The following PARP4 variants were observed in gnomAD, a reference collection of about 807,000 sequenced individuals.
The protein encoded by PARP4 is poly(ADP-ribose) polymerase family member 4, also known as protein mono-ADP-ribosyltransferase PARP4.
A neutral mutation model predicts 187.7 loss-of-function variants in PARP4; 120 were observed. That is an observed-to-expected ratio of 0.64 (90% CI 0.55 to 0.74). The LOEUF (loss-of-function observed/expected upper bound fraction) is 0.74, where lower values mean the gene tolerates loss of function less well. Among genes scored for constraint, PARP4 ranks in the 30% least tolerant of loss-of-function variants. The pLI is 0.00. For synonymous variants in PARP4, 654 were observed against 740.9 expected, an observed-to-expected ratio of 0.88 and a Z score of 1.90; for missense variants, 1,836 against 2,070.5, an observed-to-expected ratio of 0.89 and a Z score of 2.20.
At chr13:24,422,592 A>T (rs773640024) in intron 33 of PARP4, among the ~76,000 whole-genome samples, 2 of 152,204 alleles carry the variant, frequency 1.3e-5, no homozygotes, top group Non-Finnish European at 2.9e-5. Flanking sequence ...CAAATATGCA[A>T]TAAACAGGAA....
At chr13:24,441,336 GT>G (rs1870914721) in intron 30 of PARP4, among the ~76,000 whole-genome samples, 1 of 139,808 alleles carries the variant, frequency 7.2e-6, no homozygotes, top group African/African-American at 2.8e-5. Context: ...GGAAATTTTA[GT>G]TTTTTAACCT....
At position 24,434,620 on chromosome 13, in the gene PARP4, A is replaced by T; in HGVS notation, c.4521T>A (p.Ser1507Arg). ...AGACAGGACATCGACTTCCTTCGAG[A>T]CTGCCTACTGATTCTTCTAGAAGAC... is the stretch of plus-strand genomic sequence containing the variant. The part of the protein sequence containing the change: ...DLCLLEESVG[S>R]LEGSRCPVFA... The change falls in exon 31 of 34, where the codon AGT becomes AGA. Residue 1507 changes from serine to arginine, a missense_variant. Physicochemically the swap from Ser to Arg is moderately radical, Grantham distance 110. This residue lies in a region of PARP4 where 450 missense variants were observed against 439.2 expected (regional missense o/e 1.02). Coordinates refer to ENST00000381989, the MANE Select transcript of PARP4 (RefSeq NM_006437.4). The T allele has an allele frequency of 6.2e-7, 1 of 1,612,166 alleles. No individual in the cohort carries two copies. Among genetic ancestry groups the T allele is most frequent in the Non-Finnish European group, 8.5e-7 (1 of 1,178,472 alleles).
chr13:24,492,469 G>T lies in PARP4; in HGVS notation c.1005C>A (p.Pro335=). The T allele has an allele frequency of 6.2e-7, 1 of 1,613,992 alleles. No homozygotes were observed. The highest frequency in any genetic ancestry group is 1.7e-5 in the Admixed American group (1 of 60,014). ...CCAATAGTCCCAGGTTCACTTCTTT[G>T]GGCATTGTGCCTTTGTGAGGTATCA... ...YRLIPHKGTM[P]KEVNLGLLAK... is the part of the protein sequence containing the mutation. Residue 335 remains proline (P), a synonymous_variant, in exon 9 of 34, where the codon CCC becomes CCA. Transcript: ENST00000381989.
intron 4 of PARP4, 35 bp downstream of exon 4, chr13:24,500,281 T>C (rs376886231): frequency 1.4e-5 from 18 of 1,301,424 alleles, no homozygotes; most frequent in Admixed American, 2.0e-5. Flanking sequence ...TTACAAACTC[T>C]GTAGAGTCCC....
At chr13:24,500,149 A>G (rs2137542035) in intron 4 of PARP4, among the ~76,000 whole-genome samples, 167 bp downstream of exon 4, 1 of 152,284 alleles carries the variant, frequency 6.6e-6, no homozygotes, top group Middle Eastern at 3.4e-3. Context: ...AATGATCACT[A>G]TACTAGTTGA....
At chr13:24,473,115 T>C (rs9581067) in intron 15 of PARP4, among the ~76,000 whole-genome samples, 2,235 of 151,954 alleles carry the variant, frequency 0.015, 58 homozygotes, top group African/African-American at 0.051. Context: ...AGAGATGGGG[T>C]TTCTCCATGT....
intron 1 of PARP4, among the ~76,000 whole-genome samples, chr13:24,507,089 G>C (rs1019225672): frequency 2.0e-5 from 3 of 152,182 alleles, no homozygotes; most frequent in Non-Finnish European, 2.9e-5. Flanking sequence ...CGGGGCCAGC[G>C]GGCTGCTCAG....
chr13:24,493,325 GATCAGGCCT>G (rs1868766628), intron 8 of PARP4, among the ~76,000 whole-genome samples: 1 of 152,198 alleles, frequency 6.6e-6, no homozygotes, highest in South Asian at 2.1e-4. Context: ...TGGCACAGAG[GATCAGGCCT>G]CCTAATTGGC....
chr13:24,437,402 G>A (rs1037251735), intron 30 of PARP4, among the ~76,000 whole-genome samples: 2 of 152,004 alleles, frequency 1.3e-5, no homozygotes, highest in African/African-American at 4.8e-5. Flanking sequence ...AAATCTGCAT[G>A]ACCAAAAGAT....
At chr13:24,491,427 C>CT (rs1188799913) in intron 9 of PARP4, among the ~76,000 whole-genome samples, 3 of 152,120 alleles carry the variant, frequency 2.0e-5, no homozygotes, top group African/African-American at 7.2e-5. Flanking sequence ...CTGACAGACT[C>CT]TTTATGTTTG....
At chr13:24,432,799 T>C (rs1283444729) in intron 31 of PARP4, among the ~76,000 whole-genome samples, 1 of 152,094 alleles carries the variant, frequency 6.6e-6, no homozygotes, top group Non-Finnish European at 1.5e-5. Context: ...GCCTGCCCCA[T>C]CACATGCACA....
chr13:24,455,357 C>G (rs979944861), intron 21 of PARP4, 145 bp from the exon 22 acceptor site: 1 of 496,240 alleles, frequency 2.0e-6, no homozygotes, highest in African/African-American at 1.9e-5. Context: ...AACAAGATGG[C>G]CTACTAGGAG....
chr13:24,475,514 C>T lies in PARP4; in HGVS notation c.1872G>A (p.Glu624=). ...TGATTCTCCCTTTGATGTGGACATCCTCCAGAGGAACCAAGTTCCCAGAGG... is the reference window on the plus strand; with the variant it reads ...TGATTCTCCCTTTGATGTGGACATCTTCCAGAGGAACCAAGTTCCCAGAGG... The part of the protein sequence containing the change: ...QDASGNLVPL[E]DVHIKGRIID... The change falls in exon 15 of 34, where the codon GAG becomes GAA. Residue 624 remains glutamate, a synonymous_variant. Coordinates refer to ENST00000381989, the MANE Select transcript of PARP4 (RefSeq NM_006437.4). The T allele has an allele frequency of 6.2e-7, 1 of 1,614,118 alleles. No homozygotes were observed. The highest frequency in any genetic ancestry group is 1.6e-4 in the Middle Eastern group (1 of 6,062).
At chr13:24,459,397 C>A in intron 18 of PARP4, 87 bp from the exon 19 acceptor site, 1 of 1,220,462 alleles carries the variant, frequency 8.2e-7, no homozygotes, top group Non-Finnish European at 1.1e-6. Flanking sequence ...GGCAAGGCCA[C>A]AACTGTCAGC....
rs1471796281 is a variant in PARP4 at position 24,443,735 on chromosome 13, G to A, written c.3367-5C>T. On this transcript the variant is annotated splice_polypyrimidine_tract_variant and splice_region_variant and intron_variant, in intron 27 of 33. Transcript: ENST00000381989. Reference sequence around the variant, plus strand: ...GGCTGCCAGCTTGTGGATCATCTGTGTTTAAGCAGCAAAGGAAAAAAAATA... The same window carrying A: ...GGCTGCCAGCTTGTGGATCATCTGTATTTAAGCAGCAAAGGAAAAAAAATA... 15 of 1,607,604 alleles carry A rather than the reference G, an allele frequency of 9.3e-6. No homozygotes were observed. Among genetic ancestry groups the A allele is most frequent in the East Asian group, 2.2e-5 (1 of 44,880 alleles).
chr13:24,472,150 A>G (rs569589834), intron 15 of PARP4, among the ~76,000 whole-genome samples: 1 of 143,764 alleles, frequency 7.0e-6, no homozygotes, highest in African/African-American at 2.5e-5. Context: ...CTTCTTCCAA[A>G]CAATGGGCAT....
intron 17 of PARP4, among the ~76,000 whole-genome samples, chr13:24,468,459 C>A (rs2137497153): frequency 7.0e-6 from 1 of 142,096 alleles, no homozygotes; most frequent in Non-Finnish European, 1.5e-5. Flanking sequence ...GGCTGGAGTG[C>A]AATGGCACAA....
At chr13:24,448,615 C>T (rs1014930167) in intron 25 of PARP4, among the ~76,000 whole-genome samples, 97 of 152,142 alleles carry the variant, frequency 6.4e-4, no homozygotes, top group African/African-American at 1.8e-3. Context: ...AGCAATCCCA[C>T]GCTGCACATA....
At position 24,501,576 on chromosome 13, in the gene PARP4, C is replaced by G. The variant is rs1869283754; in HGVS notation, c.334+57G>C. On this transcript the variant is annotated intron_variant, in intron 3 of 33. Transcript: ENST00000381989. ...CTCTGCCTATGGTATCTTTGACAAA[C>G]CCAAGCGTGTACTATGGCACCTATG... 2.5e-6 allele frequency: 3 copies of G among 1,207,002 alleles called. No individual in the cohort carries two copies. The South Asian group carries it at 3.8e-5, about 15-fold the overall frequency. The allele number at this position is 1,207,002 out of a possible 1,614,324, so 74.8% of individuals were successfully genotyped here.
Sources: allele counts gnomAD v4.1 joint callset (sites outside exome capture counted in the v4.1 genomes callset), GRCh38; gene constraint gnomAD v4.1.1; regional missense constraint gnomAD v4.1.1; transcripts MANE v1.5; gene names NCBI Gene and HGNC (gene_info 2026-07-23, HGNC 2026-07-21).